Variants in PTPRD observed in about 807,000 individuals in gnomAD.
PTPRD encodes the protein protein tyrosine phosphatase receptor type D, also known as receptor-type tyrosine-protein phosphatase delta.
A neutral mutation model predicts 214.5 loss-of-function variants in PTPRD; 34 were observed. That is an observed-to-expected ratio of 0.16 (90% CI 0.12 to 0.21). The LOEUF (loss-of-function observed/expected upper bound fraction) is 0.21, where lower values mean the gene tolerates loss of function less well. PTPRD is among the 10% of genes least tolerant of loss of function. The pLI is 1.00. For synonymous variants in PTPRD, 1,128 were observed against 845.7 expected, an observed-to-expected ratio of 1.33 and a Z score of -5.79; for missense variants, 2,545 against 2,398.7, an observed-to-expected ratio of 1.06 and a Z score of -1.27.
chr9:8,348,475 C>G (rs1387003074), intron 39 of PTPRD, among the ~76,000 whole-genome samples: 2 of 152,112 alleles, frequency 1.3e-5, no homozygotes, highest in Non-Finnish European at 2.9e-5. Flanking sequence ...TCTTCAAACT[C>G]TAAATACATT....
chr9:10,607,012 T>G (rs1219323043), intron 2 of PTPRD, among the ~76,000 whole-genome samples: 2 of 151,914 alleles, frequency 1.3e-5, no homozygotes, highest in East Asian at 3.9e-4. Context: ...GTAAATCAGA[T>G]AGCATTATAT....
chr9:8,459,598 C>T (rs927659041), intron 33 of PTPRD, among the ~76,000 whole-genome samples: 3 of 151,788 alleles, frequency 2.0e-5, no homozygotes, highest in African/African-American at 4.8e-5. Context: ...AACTGACTGG[C>T]CAGTGCCCTA....
intron 14 of PTPRD, among the ~76,000 whole-genome samples, chr9:8,562,662 C>T (rs1008326005): frequency 6.6e-6 from 1 of 152,100 alleles, no homozygotes. Flanking sequence ...GTTTCAAACT[C>T]CTGAGCTCAA....
At position 10,323,774 on chromosome 9, in the gene PTPRD, A is replaced by T. The variant is rs867273356; in HGVS notation, c.-545+17189T>A. On this transcript the variant is annotated intron_variant, in intron 3 of 45. Coordinates refer to ENST00000381196, the MANE Select transcript of PTPRD (RefSeq NM_002839.4). ...ACTTTCCTGTCTGGAGATTTTAAATATTGGGATATAATATATTAATAAGTG... is the reference window on the plus strand; with the variant it reads ...ACTTTCCTGTCTGGAGATTTTAAATTTTGGGATATAATATATTAATAAGTG... 3.3e-5 allele frequency among the ~76,000 whole-genome samples: 5 copies of T among 152,152 alleles called. 1 individual carries two copies. The Middle Eastern group carries it at 0.01, about 311-fold the overall frequency.
chr9:9,918,514 A>C (rs1397049586), intron 5 of PTPRD, among the ~76,000 whole-genome samples: 1 of 152,112 alleles, frequency 6.6e-6, no homozygotes, highest in Non-Finnish European at 1.5e-5. Context: ...ATCTCTATCA[A>C]AATGTCAAGG....
intron 7 of PTPRD, among the ~76,000 whole-genome samples, chr9:9,616,262 C>T (rs1411488767): frequency 6.6e-6 from 1 of 152,112 alleles, no homozygotes; most frequent in African/African-American, 2.4e-5. Flanking sequence ...GTGACACCCC[C>T]CAAAATTATT....
rs576943107 is a variant in PTPRD, at chr9:10,040,811, A to C, written c.-544-7021T>G. 1.4e-4 allele frequency among the ~76,000 whole-genome samples: 22 copies of C among 152,226 alleles called. No homozygotes were observed. In the South Asian group the frequency reaches 4.3e-3, roughly 30 times the overall value. On this transcript the variant is annotated intron_variant, in intron 3 of 45. Transcript: ENST00000381196. ...ACCTCACTTTTAAAGGTACTTTATC[A>C]AATTGAAATGTGTTCTTCCATCTCA...
At chr9:8,977,124 G>T (rs182116079) in intron 11 of PTPRD, among the ~76,000 whole-genome samples, 13 of 152,138 alleles carry the variant, frequency 8.5e-5, no homozygotes, top group Middle Eastern at 3.4e-3. Context: ...TTCTGTGCTG[G>T]TAATATCTCT....
At chr9:8,691,684 CCAAA>C (rs2097804754) in intron 12 of PTPRD, among the ~76,000 whole-genome samples, 1 of 152,138 alleles carries the variant, frequency 6.6e-6, no homozygotes, top group South Asian at 2.1e-4. Context: ...TTCCAAGAGG[CCAAA>C]CAATTTTTAC....
intron 7 of PTPRD, among the ~76,000 whole-genome samples, chr9:9,681,972 G>C (rs560121689): frequency 5.0e-4 from 76 of 151,878 alleles, no homozygotes; most frequent in African/African-American, 1.7e-3. Flanking sequence ...TAGAGATTAG[G>C]AAAGACATCA....
intron 3 of PTPRD, among the ~76,000 whole-genome samples, chr9:10,198,434 A>G (rs1472046370): frequency 6.6e-6 from 1 of 152,140 alleles, no homozygotes; most frequent in Non-Finnish European, 1.5e-5. Context: ...AGCAGCAGTA[A>G]CAAATGGAGT....
chr9:10,100,055 C>A (rs2098536906), intron 3 of PTPRD, among the ~76,000 whole-genome samples: 1 of 151,556 alleles, frequency 6.6e-6, no homozygotes, highest in Admixed American at 6.6e-5. Flanking sequence ...TATGGGTAAA[C>A]CTTAATGAGT....
At chr9:9,354,342 C>G (rs1176029379) in intron 9 of PTPRD, among the ~76,000 whole-genome samples, 1 of 151,796 alleles carries the variant, frequency 6.6e-6, no homozygotes, top group Non-Finnish European at 1.5e-5. Context: ...AATTTTCTTA[C>G]TAAAATACAT....
intron 9 of PTPRD, among the ~76,000 whole-genome samples, chr9:9,387,906 A>G (rs927121609): frequency 2.6e-5 from 4 of 152,160 alleles, no homozygotes; most frequent in Non-Finnish European, 5.9e-5. Context: ...CCCAGTGGGC[A>G]TGTGTTACAG....
At chr9:10,167,133 T>TC (rs398113226) in intron 3 of PTPRD, among the ~76,000 whole-genome samples, 1 of 151,846 alleles carries the variant, frequency 6.6e-6, no homozygotes, top group Admixed American at 6.6e-5. Flanking sequence ...TTTTTTTTTT[T>TC]CATAACAAAT....
At chr9:9,112,130 A>G (rs1261087399) in intron 10 of PTPRD, among the ~76,000 whole-genome samples, 1 of 152,178 alleles carries the variant, frequency 6.6e-6, no homozygotes, top group Non-Finnish European at 1.5e-5. Flanking sequence ...CCATGCTAGA[A>G]TAATTCCACC....
At chr9:9,339,204 G>A (rs1311516799) in intron 9 of PTPRD, among the ~76,000 whole-genome samples, 11 of 152,054 alleles carry the variant, frequency 7.2e-5, no homozygotes, top group Non-Finnish European at 1.3e-4. Context: ...GAGGCTAGGC[G>A]CGGTGGCTCA....
At chr9:8,546,265 T>C (rs1204083691) in intron 14 of PTPRD, among the ~76,000 whole-genome samples, 1 of 152,230 alleles carries the variant, frequency 6.6e-6, no homozygotes, top group Non-Finnish European at 1.5e-5. Context: ...AAACCAGGAC[T>C]GTTTTCTCTC....
chr9:10,027,723 T>C (rs1002046676), intron 4 of PTPRD, among the ~76,000 whole-genome samples: 2 of 152,170 alleles, frequency 1.3e-5, no homozygotes, highest in Non-Finnish European at 2.9e-5. Context: ...TAAAAATATA[T>C]GCACATATAT....
Sources: gnomAD v4.1 joint callset for allele counts (sites outside exome capture counted in the v4.1 genomes callset) on GRCh38, gnomAD v4.1.1 for gene constraint, MANE v1.5 for transcripts, NCBI Gene and HGNC (gene_info 2026-07-23, HGNC 2026-07-21) for gene names.